Variants in ODR4 observed in about 807,000 individuals in gnomAD.
The protein encoded by ODR4 is protein odr-4 homolog.
ODR4 carries 47 observed loss-of-function variants against 60.2 expected under a neutral mutation model. That is an observed-to-expected ratio of 0.78 (90% CI 0.62 to 1.00). ODR4 has a LOEUF of 1.00. ODR4 is among the 50% of genes least tolerant of loss of function. The pLI, the probability that ODR4 is intolerant of heterozygous loss-of-function variation, is 0.00. For missense variants in ODR4, 488 were observed against 530.8 expected (o/e 0.92, Z 0.79); for synonymous variants, 178 against 175.5 (o/e 1.01, Z -0.11).
At chr1:186,433,038 C>A in the ODR4 span, among the ~76,000 whole-genome samples, 33 of 152,202 alleles carry the variant, frequency 2.2e-4, no homozygotes, top group Non-Finnish European at 4.1e-4. Flanking sequence ...TCCGCCTCAG[C>A]CTCCCAAAGT....
chr1:186,382,737 T>G (rs1660088659), intron 2 of ODR4, among the ~76,000 whole-genome samples: 1 of 152,212 alleles, frequency 6.6e-6, no homozygotes, highest in African/African-American at 2.4e-5. Flanking sequence ...CAGTAAACCA[T>G]TTTTAGGGAC....
At chr1:186,402,198 C>CTTTCTTTCTTTCT (rs1558085024) in intron 11 of ODR4, among the ~76,000 whole-genome samples, 1 of 141,638 alleles carries the variant, frequency 7.1e-6, no homozygotes, top group Non-Finnish European at 1.5e-5. Context: ...TTCTTTCTTT[C>CTTTCTTTCTTTCT]TTTCTTTCTT....
intron 5 of ODR4, 119 bp from the exon 6 acceptor site, chr1:186,389,469 G>A: frequency 1.4e-6 from 1 of 716,504 alleles, no homozygotes; most frequent in East Asian, 2.7e-5. Context: ...TCTTTAAAGT[G>A]TTATGATTTT....
At chr1:186,376,786 G>A (rs929432514) in intron 1 of ODR4, among the ~76,000 whole-genome samples, 1 of 152,096 alleles carries the variant, frequency 6.6e-6, no homozygotes, top group Non-Finnish European at 1.5e-5. Flanking sequence ...TCTGTCATTT[G>A]GGAAATGTAG....
At chr1:186,413,078 CAT>C (rs1368423063) in intron 12 of ODR4, among the ~76,000 whole-genome samples, 1 of 151,924 alleles carries the variant, frequency 6.6e-6, no homozygotes. Flanking sequence ...TTGCTATAAA[CAT>C]ATTGCTTTGT....
intron 11 of ODR4, chr1:186,400,757 T>A (rs921231265): frequency 2.3e-5 from 7 of 297,986 alleles, no homozygotes; most frequent in Non-Finnish European, 4.4e-5. Context: ...ATTTAACATT[T>A]ATCCTTCTCG....
At chr1:186,388,362 G>T in intron 4 of ODR4, 80 bp from the exon 5 acceptor site, 2 of 708,062 alleles carry the variant, frequency 2.8e-6, no homozygotes, top group South Asian at 2.1e-5. Flanking sequence ...GAGAGTTGGG[G>T]ACATTATAAT....
chr1:186,394,042 A>T, intron 9 of ODR4, 27 bp downstream of exon 9: 1 of 1,179,996 alleles, frequency 8.5e-7, no homozygotes, highest in Non-Finnish European at 1.2e-6. Flanking sequence ...AACACTTAAA[A>T]TATTTATTAG....
chr1:186,402,380 CCTTCCTTT>C lies in ODR4; in HGVS notation c.1000+3352_1000+3359del, dbSNP rs573733485. ...CTTTTCCTTTTCTCTCTCCTTCCTT[CCTTCCTTT>C]CTTCCTTTCTTCCTTCTTTTTTTTA... On this transcript the variant is annotated intron_variant, in intron 11 of 13. Coordinates refer to ENST00000287859, the MANE Select transcript of ODR4 (RefSeq NM_017847.6). 2.1e-3 allele frequency among the ~76,000 whole-genome samples: 315 copies of C among 149,896 alleles called. 5 individuals carry two copies. The highest frequency in any genetic ancestry group is 7.3e-3 in the African/African-American group (296 of 40,728).
chr1:186,433,977 G>T, the ODR4 span, among the ~76,000 whole-genome samples: 1 of 152,084 alleles, frequency 6.6e-6, no homozygotes, highest in Non-Finnish European at 1.5e-5. Context: ...TCTAGCAAAG[G>T]TTCAAAGAAC....
chr1:186,427,298 T>G, the ODR4 span, among the ~76,000 whole-genome samples: 1 of 152,232 alleles, frequency 6.6e-6, no homozygotes, highest in African/African-American at 2.4e-5. Flanking sequence ...ATGGCTTCTT[T>G]TTCAACTAAG....
chr1:186,417,301 G>A, intron 12 of ODR4: 5 of 364,404 alleles, frequency 1.4e-5, no homozygotes, highest in Non-Finnish European at 2.5e-5. Flanking sequence ...AGAACTGGCT[G>A]TGTGGCCCTC....
intron 6 of ODR4, among the ~76,000 whole-genome samples, chr1:186,389,938 C>T (rs1368912591): frequency 1.3e-5 from 2 of 152,128 alleles, no homozygotes; most frequent in Non-Finnish European, 1.5e-5. Context: ...TAGATGTGCA[C>T]CACTGCACCT....
the ODR4 span, among the ~76,000 whole-genome samples, chr1:186,427,972 C>T: frequency 6.6e-6 from 1 of 152,168 alleles, no homozygotes; most frequent in African/African-American, 2.4e-5. Flanking sequence ...TGCTGTCATC[C>T]AAGCTTTACT....
At chr1:186,407,418 C>T (rs1661213515) in intron 12 of ODR4, among the ~76,000 whole-genome samples, 2 of 152,024 alleles carry the variant, frequency 1.3e-5, no homozygotes, top group Admixed American at 1.3e-4. Context: ...ATCATGAGGA[C>T]AGGGATTTTT....
chr1:186,389,750 G>A lies in ODR4; in HGVS notation c.474+126G>A, dbSNP rs143737879. 6,594 of 631,594 alleles carry A rather than the reference G, an allele frequency of 0.01. 62 individuals carry two copies. The highest frequency in any genetic ancestry group is 0.014 in the Non-Finnish European group (5,194 of 379,498). 39.1% of individuals were successfully genotyped at this position (631,594 alleles called of 1,614,324 possible). ...CTATTGATGCCTACAAACAACTGTA[G>A]TTTTTATTTTGAAATATGATTAATT... On this transcript the variant is annotated intron_variant, in intron 6 of 13. Transcript: ENST00000287859.
intron 5 of ODR4, among the ~76,000 whole-genome samples, chr1:186,389,296 ATCTCACGAG>A (rs1660366544): frequency 6.6e-6 from 1 of 152,164 alleles, no homozygotes; most frequent in Admixed American, 6.5e-5. Flanking sequence ...TTTGAGAAGA[ATCTCACGAG>A]TGCTTTGATT....
chr1:186,402,187 ATTCTTTCTTTCTTTC>A (rs1192219736), intron 11 of ODR4, among the ~76,000 whole-genome samples: 37 of 135,424 alleles, frequency 2.7e-4, no homozygotes, highest in African/African-American at 1.1e-3. Context: ...TAGGCATCCT[ATTCTTTCTTTCTTTC>A]TTTCTTTCTT....
At chr1:186,401,058 C>A (rs911387794) in intron 11 of ODR4, 1 of 1,595,526 alleles carries the variant, frequency 6.3e-7, no homozygotes, top group African/African-American at 1.3e-5. Flanking sequence ...GGGGATGTAT[C>A]CACCATTATT....
Sources: gnomAD v4.1 joint callset for allele counts (sites outside exome capture counted in the v4.1 genomes callset) on GRCh38, gnomAD v4.1.1 for gene constraint, MANE v1.5 for transcripts, NCBI Gene and HGNC (gene_info 2026-07-23, HGNC 2026-07-21) for gene names.